EHBP1: variants seen among roughly 807,000 people sequenced by gnomAD.
EHBP1 encodes the protein EH domain-binding protein 1.
Under a neutral mutation model 144.0 loss-of-function variants are expected in EHBP1, and 55 were observed. The observed-to-expected ratio is 0.38, with a 90% confidence interval of 0.31 to 0.48. EHBP1 has a LOEUF of 0.48. Among genes scored for constraint, EHBP1 ranks in the 20% least tolerant of loss-of-function variants. EHBP1 has a pLI of 0.98. For synonymous variants in EHBP1, 469 were observed against 472.7 expected, an observed-to-expected ratio of 0.99 and a Z score of 0.10; for missense variants, 1,200 against 1,364.2, an observed-to-expected ratio of 0.88 and a Z score of 1.90.
intron 19 of EHBP1, among the ~76,000 whole-genome samples, chr2:63,008,195 A>G (rs1290247015): frequency 2.0e-5 from 3 of 151,798 alleles, no homozygotes; most frequent in Admixed American, 2.0e-4. Flanking sequence ...ATCCAGTGAT[A>G]AGACTACTTA....
intron 19 of EHBP1, among the ~76,000 whole-genome samples, chr2:63,001,523 A>T (rs2059847162): frequency 6.6e-6 from 1 of 152,194 alleles, no homozygotes. Context: ...CCCACAAAAA[A>T]TAAAAATCAA....
chr2:62,873,339 G>T (rs1174184133), intron 9 of EHBP1, among the ~76,000 whole-genome samples: 3 of 152,000 alleles, frequency 2.0e-5, no homozygotes, highest in Non-Finnish European at 4.4e-5. Context: ...ATGAAGAAAT[G>T]TACTTATTAA....
intron 2 of EHBP1, among the ~76,000 whole-genome samples, chr2:62,731,713 T>A (rs2037619736): frequency 6.6e-6 from 1 of 152,182 alleles, no homozygotes; most frequent in Admixed American, 6.5e-5. Context: ...TTTATAATAA[T>A]TGGTTTTTAC....
rs1173140511 is a variant in EHBP1 at position 62,945,059 on chromosome 2, A to G, written c.1413+1209A>G. Among the ~76,000 whole-genome samples the G allele has an allele frequency of 3.9e-5, 6 of 152,244 alleles. No homozygotes were observed. In the East Asian group the frequency reaches 7.7e-4, roughly 20 times the overall value. Reference sequence around the variant, plus strand: ...TTATGAATTTAGGCAATAAACCACCATAGTGTTAACCATGCCTGAGACTTT... The same window carrying G: ...TTATGAATTTAGGCAATAAACCACCGTAGTGTTAACCATGCCTGAGACTTT... On this transcript the variant is annotated intron_variant, in intron 12 of 22. Transcript: ENST00000431489.
chr2:62,718,535 T>G (rs1201181377), intron 2 of EHBP1, among the ~76,000 whole-genome samples: 1 of 152,192 alleles, frequency 6.6e-6, no homozygotes, highest in Non-Finnish European at 1.5e-5. Context: ...GCTGGGGTGC[T>G]TTGCAAATAT....
intron 5 of EHBP1, among the ~76,000 whole-genome samples, chr2:62,779,077 G>A (rs935911769): frequency 1.3e-5 from 2 of 152,128 alleles, no homozygotes; most frequent in African/African-American, 4.8e-5. Flanking sequence ...AACATTAGCA[G>A]TACCCCTCTT....
At chr2:62,693,471 G>A (rs1008165269) in intron 1 of EHBP1, among the ~76,000 whole-genome samples, 3 of 152,042 alleles carry the variant, frequency 2.0e-5, no homozygotes, top group Non-Finnish European at 2.9e-5. Flanking sequence ...TCTCCCATCT[G>A]TTGGTTATTT....
At chr2:62,702,107 C>T (rs1468201681), upstream of EHBP1, among the ~76,000 whole-genome samples, 4 of 152,124 alleles carry the variant, frequency 2.6e-5, no homozygotes, top group African/African-American at 9.7e-5. Flanking sequence ...GTTTCTGAGG[C>T]AGTGACTAAA....
rs531980912 is a variant in EHBP1, at chr2:62,965,930, T to G, written c.2460+10270T>G. Among the ~76,000 whole-genome samples the G allele has an allele frequency of 3.3e-5, 5 of 152,332 alleles. No individual in the cohort carries two copies. The East Asian group carries it at 9.6e-4, about 29-fold the overall frequency. ...AAATGAGGGAAAATACAGTGTCTTT[T>G]TACAACTAGATTTTGTTAAGAAGCT... On this transcript the variant is annotated intron_variant, in intron 14 of 22. Coordinates refer to ENST00000431489, the MANE Select transcript of EHBP1 (RefSeq NM_001142616.3).
At chr2:62,845,676 A>G (rs907400601) in intron 7 of EHBP1, among the ~76,000 whole-genome samples, 1 of 151,390 alleles carries the variant, frequency 6.6e-6, no homozygotes, top group Admixed American at 6.6e-5. Flanking sequence ...ACAAAATCAT[A>G]GGATTGTTAT....
chr2:63,017,503 T>C (rs1334816720), intron 19 of EHBP1, among the ~76,000 whole-genome samples: 1 of 152,248 alleles, frequency 6.6e-6, no homozygotes, highest in Non-Finnish European at 1.5e-5. Context: ...AGATACTTTA[T>C]ATCAAGCATT....
intron 19 of EHBP1, among the ~76,000 whole-genome samples, chr2:63,034,289 G>A (rs773849416): frequency 6.6e-6 from 1 of 151,812 alleles, no homozygotes; most frequent in Non-Finnish European, 1.5e-5. Context: ...GTATACTGTA[G>A]TATGTTATTT....
intron 10 of EHBP1, among the ~76,000 whole-genome samples, chr2:62,919,568 G>A (rs2153000233): frequency 6.6e-6 from 1 of 152,258 alleles, no homozygotes; most frequent in East Asian, 1.9e-4. Context: ...ATGACTTTTA[G>A]AGTTATCACA....
intron 5 of EHBP1, among the ~76,000 whole-genome samples, chr2:62,796,191 A>G (rs968185936): frequency 2.6e-5 from 4 of 152,030 alleles, no homozygotes; most frequent in African/African-American, 4.8e-5. Context: ...TTACTTCTAG[A>G]GATTCCTGTA....
At chr2:62,962,986 G>A (rs2058071386) in intron 14 of EHBP1, among the ~76,000 whole-genome samples, 1 of 152,320 alleles carries the variant, frequency 6.6e-6, no homozygotes, top group Non-Finnish European at 1.5e-5. Context: ...CAGGTAGCAG[G>A]ATGAAACTGC....
intron 7 of EHBP1, among the ~76,000 whole-genome samples, chr2:62,839,445 C>A (rs1379349867): frequency 1.2e-4 from 18 of 144,464 alleles, no homozygotes; most frequent in African/African-American, 4.4e-4. Context: ...ACAGGGATGC[C>A]CTCTCTCACC....
chr2:62,784,812 C>G (rs991318364), intron 5 of EHBP1, among the ~76,000 whole-genome samples: 3 of 151,944 alleles, frequency 2.0e-5, no homozygotes, highest in Non-Finnish European at 4.4e-5. Flanking sequence ...TGTGCCATAC[C>G]GAGGAATTTG....
intron 19 of EHBP1, among the ~76,000 whole-genome samples, chr2:63,000,819 G>GGTGT (rs759875721): frequency 6.6e-6 from 1 of 150,778 alleles, no homozygotes; most frequent in Non-Finnish European, 1.5e-5. Flanking sequence ...AGCTCTTAAT[G>GGTGT]GTGTGTGTGT....
chr2:62,898,201 A>G (rs926468212), intron 10 of EHBP1, among the ~76,000 whole-genome samples: 1 of 152,194 alleles, frequency 6.6e-6, no homozygotes, highest in African/African-American at 2.4e-5. Context: ...TAATAATATT[A>G]AAAATCATTC....
Sources: gnomAD v4.1 joint callset for allele counts (sites outside exome capture counted in the v4.1 genomes callset) on GRCh38, gnomAD v4.1.1 for gene constraint, MANE v1.5 for transcripts, NCBI Gene and HGNC (gene_info 2026-07-23, HGNC 2026-07-21) for gene names.